SLC26A7: variants seen among roughly 807,000 people sequenced by gnomAD.
The protein encoded by SLC26A7 is anion exchange transporter.
A neutral mutation model predicts 82.5 loss-of-function variants in SLC26A7; 59 were observed. The observed-to-expected ratio is 0.72, with a 90% confidence interval of 0.58 to 0.89. The LOEUF is 0.89. Ranked by LOEUF, SLC26A7 falls within the 40% of genes least tolerant of loss-of-function variation. The pLI, the probability that SLC26A7 is intolerant of heterozygous loss-of-function variation, is 0.00. For synonymous variants in SLC26A7, 271 were observed against 274.3 expected, an observed-to-expected ratio of 0.99 and a Z score of 0.12; for missense variants, 820 against 793.0, an observed-to-expected ratio of 1.03 and a Z score of -0.41.
At chr8:91,364,023 C>T (rs1814123529) in intron 13 of SLC26A7, among the ~76,000 whole-genome samples, 1 of 150,906 alleles carries the variant, frequency 6.6e-6, no homozygotes, top group Non-Finnish European at 1.5e-5. Context: ...TACAGAATGC[C>T]AATAGAATTG....
chr8:91,312,193 G>C (rs1411162001), intron 4 of SLC26A7, among the ~76,000 whole-genome samples: 2 of 151,870 alleles, frequency 1.3e-5, no homozygotes, highest in Non-Finnish European at 2.9e-5. Flanking sequence ...TCATGTCAGT[G>C]GAATCATACA....
chr8:91,392,194 T>A (rs927986613), intron 16 of SLC26A7, among the ~76,000 whole-genome samples: 3 of 152,212 alleles, frequency 2.0e-5, no homozygotes, highest in African/African-American at 7.2e-5. Flanking sequence ...CAGTTTTGTA[T>A]CAGTTTGCCC....
At chr8:91,273,286 A>T (rs1027236532) in intron 2 of SLC26A7, among the ~76,000 whole-genome samples, 3 of 152,138 alleles carry the variant, frequency 2.0e-5, no homozygotes, top group Admixed American at 2.0e-4. Context: ...TTGGGTCTAG[A>T]CCTTAGGAAG....
At chr8:91,251,733 C>A (rs534148840) in intron 2 of SLC26A7, among the ~76,000 whole-genome samples, 1 of 152,112 alleles carries the variant, frequency 6.6e-6, no homozygotes, top group Non-Finnish European at 1.5e-5. Flanking sequence ...TTTCCCTGGA[C>A]GTCATACCTG....
intron 2 of SLC26A7, among the ~76,000 whole-genome samples, chr8:91,288,634 T>C (rs1484551865): frequency 1.3e-5 from 2 of 152,168 alleles, no homozygotes; most frequent in African/African-American, 4.8e-5. Flanking sequence ...TGACACACAG[T>C]CTCAAGCTGG....
chr8:91,297,897 T>C (rs1407182952), intron 4 of SLC26A7, among the ~76,000 whole-genome samples: 1 of 152,186 alleles, frequency 6.6e-6, no homozygotes, highest in African/African-American at 2.4e-5. Context: ...TTTTTCTCTC[T>C]GAAGATCCAG....
intron 2 of SLC26A7, among the ~76,000 whole-genome samples, chr8:91,284,315 A>C (rs1309449492): frequency 6.6e-6 from 1 of 152,182 alleles, no homozygotes; most frequent in Non-Finnish European, 1.5e-5. Context: ...GCAGGCTGGG[A>C]GTATAGGCCA....
chr8:91,336,125 T>G (rs934344703), intron 6 of SLC26A7, among the ~76,000 whole-genome samples: 27 of 152,174 alleles, frequency 1.8e-4, no homozygotes, highest in African/African-American at 6.3e-4. Context: ...AAATGTTAGA[T>G]TCTTAAGTAT....
chr8:91,286,796 T>C (rs1563660680), intron 2 of SLC26A7, among the ~76,000 whole-genome samples: 1 of 152,200 alleles, frequency 6.6e-6, no homozygotes, highest in Admixed American at 6.5e-5. Context: ...TGTATGTGTG[T>C]GCATATGCTC....
chr8:91,334,577 A>C lies in SLC26A7; in HGVS notation c.795+130A>C, dbSNP rs951132211. 4 of 707,838 alleles carry C rather than the reference A, an allele frequency of 5.7e-6. No individual in the cohort carries two copies. The African/African-American group carries it at 7.3e-5, about 13-fold the overall frequency. The allele number at this position is 707,838 out of a possible 1,614,324, so 43.8% of individuals were successfully genotyped here. On this transcript the variant is annotated intron_variant, in intron 6 of 18. Coordinates refer to ENST00000276609, the MANE Select transcript of SLC26A7 (RefSeq NM_052832.4). ...CCTGTCTCTCATTAAAGCAGGGCTA[A>C]TTTGCATGGCTACACATTAATGTAA...
intron 4 of SLC26A7, among the ~76,000 whole-genome samples, chr8:91,297,851 G>T (rs904379686): frequency 5.9e-5 from 9 of 151,972 alleles, no homozygotes; most frequent in African/African-American, 1.9e-4. Flanking sequence ...GTATTGTTTT[G>T]CTCTTGCTTG....
chr8:91,348,082 A>G (rs1813615028), intron 9 of SLC26A7, among the ~76,000 whole-genome samples: 5 of 152,184 alleles, frequency 3.3e-5, no homozygotes, highest in Admixed American at 6.5e-5. Flanking sequence ...CTCAGCCACA[A>G]CTGAAAACAA....
chr8:91,333,754 G>A (rs1159298460), intron 5 of SLC26A7, among the ~76,000 whole-genome samples: 8 of 152,092 alleles, frequency 5.3e-5, no homozygotes, highest in African/African-American at 1.7e-4. Flanking sequence ...CAATGGGCAT[G>A]GTGCTTGGTA....
chr8:91,319,319 G>C (rs1812727501), intron 5 of SLC26A7, among the ~76,000 whole-genome samples: 3 of 152,146 alleles, frequency 2.0e-5, no homozygotes, highest in South Asian at 4.1e-4. Flanking sequence ...AATCTGAAAA[G>C]ATGTATCCAT....
rs778212161 is a variant in SLC26A7 at position 91,334,362 on chromosome 8, G to A, written c.710G>A (p.Ser237Asn). The change falls in exon 6 of 19, where the codon AGC (serine) becomes AAC (asparagine). Residue 237 changes from serine (S) to asparagine (N), a missense_variant. Transcript: ENST00000276609. ...RLEALLLSLLSIVVLVLVKEL... is the reference protein window; with the variant it reads ...RLEALLLSLLNIVVLVLVKEL... ...GAAGCATTGCTTTTATCCTTGCTGA[G>A]CATTGTGGTCCTTGTTCTTGTTAAA... 8.1e-6 allele frequency: 13 copies of A among 1,613,342 alleles called. No homozygotes were observed. The Admixed American group carries it at 1.5e-4, about 19-fold the overall frequency.
intron 3 of SLC26A7, among the ~76,000 whole-genome samples, chr8:91,294,671 A>G (rs1028379288): frequency 1.3e-5 from 2 of 152,204 alleles, no homozygotes; most frequent in African/African-American, 4.8e-5. Context: ...TGAGAGAATC[A>G]GCATTTCCAT....
intron 10 of SLC26A7, 81 bp from the exon 11 acceptor site, chr8:91,352,820 A>T: frequency 8.7e-7 from 1 of 1,153,580 alleles, no homozygotes; most frequent in Non-Finnish European, 1.2e-6. Context: ...TAAAAACAAA[A>T]AAATAAAAAT....
chr8:91,309,165 C>T (rs1293141467), intron 4 of SLC26A7, among the ~76,000 whole-genome samples: 1 of 151,898 alleles, frequency 6.6e-6, no homozygotes, highest in Non-Finnish European at 1.5e-5. Flanking sequence ...CAAATCTGTG[C>T]AGAATTCCAG....
intron 14 of SLC26A7, among the ~76,000 whole-genome samples, chr8:91,369,369 GTTT>G (rs34226630): frequency 6.8e-6 from 1 of 147,402 alleles, no homozygotes. Context: ...ATACAGAGCT[GTTT>G]TTTTTTTTTT....
Sources: gnomAD v4.1 joint callset for allele counts (sites outside exome capture counted in the v4.1 genomes callset) on GRCh38, gnomAD v4.1.1 for gene constraint, MANE v1.5 for transcripts, NCBI Gene and HGNC (gene_info 2026-07-23, HGNC 2026-07-21) for gene names.